RABGEF1: variants seen among roughly 807,000 people sequenced by gnomAD.
RABGEF1 encodes RAB guanine nucleotide exchange factor 1, also known as rab5 GDP/GTP exchange factor.
Under a neutral mutation model 57.3 loss-of-function variants are expected in RABGEF1, and 26 were observed. The observed-to-expected ratio is 0.45, with a 90% CI of 0.33 to 0.63. RABGEF1 has a LOEUF of 0.63. Among genes scored for constraint, RABGEF1 ranks in the 20% least tolerant of loss-of-function variants. RABGEF1 has a pLI of 0.02. For synonymous variants in RABGEF1, 185 were observed against 210.7 expected (o/e 0.88, Z 1.06); for missense variants, 464 against 607.6 (o/e 0.76, Z 2.48).
chr7:66,674,968 TAA>T, the RABGEF1 span, among the ~76,000 whole-genome samples: 31 of 143,542 alleles, frequency 2.2e-4, no homozygotes, highest in African/African-American at 6.5e-4. Flanking sequence ...TATATATATA[TAA>T]AGGGCTAGAT....
At chr7:66,733,231 C>T (rs1797544089) in intron 2 of RABGEF1, among the ~76,000 whole-genome samples, 1 of 152,172 alleles carries the variant, frequency 6.6e-6, no homozygotes, top group Admixed American at 6.5e-5. Flanking sequence ...CAAAACATCC[C>T]CATCTCCATG....
At chr7:66,714,367 C>T (rs1025955867) in intron 2 of RABGEF1, among the ~76,000 whole-genome samples, 1 of 152,074 alleles carries the variant, frequency 6.6e-6, no homozygotes, top group Non-Finnish European at 1.5e-5. Context: ...TTCATAATAT[C>T]CCCTTATTAT....
chr7:66,674,735 T>A, the RABGEF1 span, among the ~76,000 whole-genome samples: 2 of 152,100 alleles, frequency 1.3e-5, no homozygotes, highest in Non-Finnish European at 2.9e-5. Flanking sequence ...TATATAAATT[T>A]CAAGAAAAGG....
intron 1 of RABGEF1, among the ~76,000 whole-genome samples, chr7:66,741,313 C>T (rs1161385285): frequency 6.6e-6 from 1 of 152,168 alleles, no homozygotes. Flanking sequence ...AGAAGTGTCC[C>T]GGAGTTGGGA....
At chr7:66,745,954 T>C (rs994229360) in intron 1 of RABGEF1, among the ~76,000 whole-genome samples, 3 of 152,158 alleles carry the variant, frequency 2.0e-5, no homozygotes, top group Admixed American at 2.0e-4. Flanking sequence ...AGTGATACCC[T>C]GTCTCTATAA....
At chr7:66,806,730 G>A (rs973663938) in intron 8 of RABGEF1, among the ~76,000 whole-genome samples, 4 of 140,274 alleles carry the variant, frequency 2.9e-5, no homozygotes, top group East Asian at 2.2e-4. Context: ...TGCAACCTCC[G>A]TCTCCTGGGT....
chr7:66,808,218 C>CTT (rs558669043), intron 8 of RABGEF1, among the ~76,000 whole-genome samples: 2 of 142,350 alleles, frequency 1.4e-5, no homozygotes, highest in East Asian at 2.0e-4. Context: ...AGAGTTGTTC[C>CTT]TTTTTTTTTT....
chr7:66,731,479 G>C (rs1797306619), intron 2 of RABGEF1, among the ~76,000 whole-genome samples: 1 of 152,132 alleles, frequency 6.6e-6, no homozygotes, highest in Admixed American at 6.5e-5. Context: ...CAGTTTGGGA[G>C]GCCACCGCAG....
chr7:66,730,906 T>C (rs1035218042), intron 2 of RABGEF1, among the ~76,000 whole-genome samples: 1 of 152,152 alleles, frequency 6.6e-6, no homozygotes, highest in African/African-American at 2.4e-5. Context: ...AGGGGTGGTA[T>C]AGCCCCACTT....
chr7:66,783,884 G>C, intron 4 of RABGEF1, 43 bp downstream of exon 4: 1 of 1,568,730 alleles, frequency 6.4e-7, no homozygotes, highest in Non-Finnish European at 8.7e-7. Flanking sequence ...GTTTTGGTTT[G>C]AGGAAAGGTC....
intron 1 of RABGEF1, among the ~76,000 whole-genome samples, chr7:66,751,609 G>C (rs1801441642): frequency 6.6e-6 from 1 of 152,142 alleles, no homozygotes; most frequent in Non-Finnish European, 1.5e-5. Context: ...GGTTGGATAA[G>C]GCCGCATTTT....
At chr7:66,693,747 G>A (rs1472600762) in intron 1 of RABGEF1, among the ~76,000 whole-genome samples, 2 of 151,920 alleles carry the variant, frequency 1.3e-5, no homozygotes, top group Non-Finnish European at 2.9e-5. Context: ...ACGACCCTCA[G>A]GGAATCATTC....
upstream of RABGEF1, among the ~76,000 whole-genome samples, chr7:66,681,051 C>G (rs1035427369): frequency 6.6e-6 from 1 of 152,116 alleles, no homozygotes; most frequent in Non-Finnish European, 1.5e-5. Context: ...CCACTGCACT[C>G]CACTCTGGGT....
the RABGEF1 span, chr7:66,666,047 C>T: frequency 6.6e-6 from 1 of 152,418 alleles, no homozygotes; most frequent in African/African-American, 2.4e-5. Context: ...ACAGAGGAAG[C>T]AGCTATTGAA....
chr7:66,784,292 AT>A (rs200891313), intron 4 of RABGEF1, among the ~76,000 whole-genome samples: 2 of 152,222 alleles, frequency 1.3e-5, no homozygotes, highest in Non-Finnish European at 2.9e-5. Flanking sequence ...AATTTAGACA[AT>A]GAAAGGGACT....
chr7:66,682,635 G>A (rs1789943162), intron 1 of RABGEF1, among the ~76,000 whole-genome samples: 1 of 152,164 alleles, frequency 6.6e-6, no homozygotes, highest in Admixed American at 6.5e-5. Context: ...TGGTCGCGCG[G>A]GACCCATCCC....
intron 1 of RABGEF1, among the ~76,000 whole-genome samples, chr7:66,710,867 A>C (rs552209755): frequency 6.6e-6 from 1 of 152,104 alleles, no homozygotes; most frequent in South Asian, 2.1e-4. Context: ...TTGGGAGGCC[A>C]AGACAGGAGG....
intron 4 of RABGEF1, among the ~76,000 whole-genome samples, chr7:66,787,606 A>G (rs1181765029): frequency 3.9e-5 from 6 of 152,136 alleles, no homozygotes; most frequent in South Asian, 2.1e-4. Context: ...TGGCCTCCCA[A>G]TGTGCCGGGA....
intron 5 of RABGEF1, chr7:66,796,659 C>A: frequency 3.8e-6 from 1 of 261,778 alleles, no homozygotes; most frequent in South Asian, 3.2e-5. Context: ...GTGGTGTGAC[C>A]TCGGCTCACT....
Sources: gnomAD v4.1 joint callset for allele counts (sites outside exome capture counted in the v4.1 genomes callset) on GRCh38, gnomAD v4.1.1 for gene constraint, MANE v1.5 for transcripts, NCBI Gene and HGNC (gene_info 2026-07-23, HGNC 2026-07-21) for gene names.